NTM: variants seen among roughly 807,000 people sequenced by gnomAD.
The protein encoded by NTM is neurotrimin, also known as IgLON family member 2.
Under a neutral mutation model 42.1 loss-of-function variants are expected in NTM, and 13 were observed. The observed-to-expected ratio is 0.31, with a 90% CI of 0.20 to 0.49. NTM has a LOEUF of 0.49. Ranked by LOEUF, NTM falls within the 20% of genes least tolerant of loss-of-function variation. The probability of loss-of-function intolerance (pLI) is 0.99; values close to 1 mark genes in which losing one functional copy is unlikely to be tolerated. For missense variants in NTM, 373 were observed against 452.8 expected, an observed-to-expected ratio of 0.82 and a Z score of 1.60; for synonymous variants, 187 against 179.2, an observed-to-expected ratio of 1.04 and a Z score of -0.35.
chr11:131,850,593 A>G (rs1423491915), intron 1 of NTM, among the ~76,000 whole-genome samples: 1 of 152,176 alleles, frequency 6.6e-6, no homozygotes. Flanking sequence ...GCTTAAAGAA[A>G]ACTGAGAAAC....
chr11:132,097,682 C>G (rs1162745810), intron 2 of NTM, among the ~76,000 whole-genome samples: 1 of 152,222 alleles, frequency 6.6e-6, no homozygotes, highest in East Asian at 1.9e-4. Context: ...TTGAGAATGT[C>G]TTGAACATAG....
At chr11:131,791,118 C>T (rs1459031354) in intron 1 of NTM, among the ~76,000 whole-genome samples, 1 of 152,154 alleles carries the variant, frequency 6.6e-6, no homozygotes, top group Non-Finnish European at 1.5e-5. Context: ...AAAACTAAGG[C>T]TTTGTCTCTC....
At chr11:131,711,121 T>C (rs1224620439) in intron 1 of NTM, among the ~76,000 whole-genome samples, 2 of 152,066 alleles carry the variant, frequency 1.3e-5, no homozygotes, top group Non-Finnish European at 2.9e-5. Flanking sequence ...AAAGACAAAA[T>C]TGACAAATGG....
chr11:131,910,466 G>A (rs1275092923), intron 1 of NTM, among the ~76,000 whole-genome samples: 2 of 151,298 alleles, frequency 1.3e-5, no homozygotes, highest in South Asian at 4.1e-4. Context: ...GGGCGCCCGC[G>A]CCCCGCGCCC....
intron 2 of NTM, among the ~76,000 whole-genome samples, chr11:132,014,502 C>T (rs1486864320): frequency 6.6e-6 from 1 of 151,950 alleles, no homozygotes; most frequent in Non-Finnish European, 1.5e-5. Flanking sequence ...AATTTACATT[C>T]CCACCAGCAG....
chr11:132,177,687 G>A (rs1456912331), intron 3 of NTM, among the ~76,000 whole-genome samples: 1 of 152,178 alleles, frequency 6.6e-6, no homozygotes, highest in Non-Finnish European at 1.5e-5. Flanking sequence ...CCTGATCACT[G>A]AACCAAAGAG....
chr11:132,159,180 C>A (rs998613734), intron 3 of NTM, among the ~76,000 whole-genome samples: 1 of 152,126 alleles, frequency 6.6e-6, no homozygotes, highest in Admixed American at 6.5e-5. Context: ...CCAGGAGACC[C>A]CCCTCTCTCC....
At chr11:131,454,815 A>C (rs1950749587) in intron 1 of NTM, among the ~76,000 whole-genome samples, 1 of 151,426 alleles carries the variant, frequency 6.6e-6, no homozygotes, top group African/African-American at 2.4e-5. Context: ...CGCTGGGGCC[A>C]CAGAGAGAAG....
chr11:132,082,558 C>T (rs1008768378), intron 2 of NTM, among the ~76,000 whole-genome samples: 41 of 152,224 alleles, frequency 2.7e-4, no homozygotes, highest in Admixed American at 1.9e-3. Flanking sequence ...CAAGCCCCCT[C>T]TGCACAATGA....
At chr11:132,302,462 A>G (rs902904591) in intron 4 of NTM, among the ~76,000 whole-genome samples, 2 of 152,196 alleles carry the variant, frequency 1.3e-5, no homozygotes, top group African/African-American at 4.8e-5. Context: ...GCTAAGAACT[A>G]CGACTGTACA....
intron 3 of NTM, among the ~76,000 whole-genome samples, chr11:132,162,435 T>G (rs2074493805): frequency 6.8e-6 from 1 of 147,420 alleles, no homozygotes; most frequent in Non-Finnish European, 1.5e-5. Context: ...TGTATGTTTT[T>G]GTGTAGAGCA....
intron 2 of NTM, among the ~76,000 whole-genome samples, chr11:131,958,401 A>G (rs144085289): frequency 6.6e-6 from 1 of 152,276 alleles, no homozygotes; most frequent in African/African-American, 2.4e-5. Context: ...AAAACTTCAG[A>G]TAGTAAATCT....
chr11:131,389,869 T>G (rs1943792181), intron 1 of NTM, among the ~76,000 whole-genome samples: 3 of 151,992 alleles, frequency 2.0e-5, no homozygotes, highest in Non-Finnish European at 4.4e-5. Flanking sequence ...AATCCAAATA[T>G]AACAGCAAAG....
intron 1 of NTM, among the ~76,000 whole-genome samples, chr11:131,496,534 T>C (rs1367360953): frequency 6.6e-6 from 1 of 152,184 alleles, no homozygotes; most frequent in African/African-American, 2.4e-5. Context: ...GCCACAGACA[T>C]ACCTCATCCC....
At position 132,173,116 on chromosome 11, in the gene NTM, G is replaced by A. The variant is rs182471379; in HGVS notation, c.400+26602G>A. 2.5e-3 allele frequency among the ~76,000 whole-genome samples: 388 copies of A among 152,248 alleles called. 1 individual carries two copies. Among genetic ancestry groups the A allele is most frequent in the African/African-American group, 9.0e-3 (374 of 41,562 alleles). On this transcript the variant is annotated intron_variant, in intron 3 of 8. Transcript: ENST00000683400. ...TTGATGCTAGACATCTAGAAGAGTG[G>A]GAAATAACACCATGTCAATCCAACT...
intron 1 of NTM, chr11:131,582,138 C>T (rs1006809657): frequency 2.0e-5 from 3 of 152,246 alleles, no homozygotes; most frequent in East Asian, 1.9e-4. Flanking sequence ...TTTACCCAGA[C>T]GAGTTCTGCT....
intron 1 of NTM, among the ~76,000 whole-genome samples, chr11:131,394,420 C>A (rs1038678353): frequency 2.0e-5 from 3 of 152,284 alleles, no homozygotes; most frequent in Non-Finnish European, 4.4e-5. Context: ...CTTGGTCCAC[C>A]TTTTGAGAAG....
At chr11:131,889,059 G>A (rs937193828) in intron 1 of NTM, among the ~76,000 whole-genome samples, 1 of 152,136 alleles carries the variant, frequency 6.6e-6, no homozygotes, top group African/African-American at 2.4e-5. Flanking sequence ...TCCAAAGGGA[G>A]CGTCCGGATT....
At chr11:131,979,946 G>A (rs1378487636) in intron 2 of NTM, among the ~76,000 whole-genome samples, 2 of 152,178 alleles carry the variant, frequency 1.3e-5, no homozygotes, top group Non-Finnish European at 1.5e-5. Flanking sequence ...AATATAGATA[G>A]GCAGGTAGGT....
Sources: gnomAD v4.1 joint callset for allele counts (sites outside exome capture counted in the v4.1 genomes callset) on GRCh38, gnomAD v4.1.1 for gene constraint, MANE v1.5 for transcripts, NCBI Gene and HGNC (gene_info 2026-07-23, HGNC 2026-07-21) for gene names.